SYCP2: variants seen among roughly 807,000 people sequenced by gnomAD.
SYCP2 encodes the protein synaptonemal complex protein 2, also known as synaptonemal complex lateral element protein.
SYCP2 carries 55 observed loss-of-function variants against 211.3 expected under a neutral mutation model. The observed-to-expected ratio is 0.26, with a 90% confidence interval of 0.21 to 0.33. The LOEUF (loss-of-function observed/expected upper bound fraction) is 0.33, where lower values mean the gene tolerates loss of function less well. Among genes scored for constraint, SYCP2 ranks in the 10% least tolerant of loss-of-function variants. SYCP2 has a pLI of 1.00. For synonymous variants in SYCP2, 570 were observed against 555.2 expected, an observed-to-expected ratio of 1.03 and a Z score of -0.37; for missense variants, 1,731 against 1,752.0, an observed-to-expected ratio of 0.99 and a Z score of 0.21.
At position 59,914,233 on chromosome 20, in the gene SYCP2, C is replaced by T. The variant is rs1252913886; in HGVS notation, c.653G>A (p.Gly218Asp). Residue 218 changes from glycine to aspartate, a missense_variant, in exon 11 of 45, where the codon GGC becomes GAC. Physicochemically the swap from Gly to Asp is moderately conservative, Grantham distance 94 (BLOSUM62 -1). Coordinates refer to ENST00000357552, the MANE Select transcript of SYCP2 (RefSeq NM_014258.4). ...CATTCTACACAAAGCTTCTACAATG[C>T]CTACCTGTAAGTCATAATCTATTAA... ...LDAGDYDLQV[G>D]IVEALCRMTT... The T allele has an allele frequency of 1.3e-6, 2 of 1,585,926 alleles. No individual in the cohort carries two copies. Among genetic ancestry groups the T allele is most frequent in the Admixed American group, 1.7e-5 (1 of 57,848 alleles).
In SYCP2 at chr20:59,864,388, G is replaced by T; in HGVS notation, c.4516C>A (p.Leu1506Ile). The T allele has an allele frequency of 2.5e-6, 4 of 1,581,818 alleles. No individual in the cohort carries two copies. Among genetic ancestry groups the T allele is most frequent in the East Asian group, 2.3e-5 (1 of 44,376 alleles). Residue 1506 changes from leucine to isoleucine, a missense_variant and splice_region_variant, in exon 45 of 45, where the codon CTA becomes ATA. By Grantham distance (5) the Leu-to-Ile change is conservative (BLOSUM62 2). Around this residue, in one of 3 missense-constraint regions of SYCP2, gnomAD observed 1,387 missense variants for 1,351.3 expected, o/e 1.03. Coordinates refer to ENST00000357552, the MANE Select transcript of SYCP2 (RefSeq NM_014258.4). ...CGTACATTAAGAAGCTCCTCTTCTA[G>T]CTATAGCCAAGAAAAAAAAAATCAC... ...VLQDRLLKDM[L>I]EEELLNVRRE...
rs1379499859 is a variant in SYCP2 at position 59,901,674 on chromosome 20, T to C, written c.1170A>G (p.Ala390=). ...ITNVTQKIFG[A]TKHRESIRKQ... is the part of the protein sequence containing the mutation. ...TTTAAAGACTTACCCTATGTTTAGT[T>C]GCACCAAAAATTTTTTGAGTTACAT... Residue 390 remains alanine (A), a synonymous_variant, in exon 16 of 45, where the codon GCA becomes GCG. Coordinates refer to ENST00000357552, the MANE Select transcript of SYCP2 (RefSeq NM_014258.4). The C allele has an allele frequency of 5.1e-6, 8 of 1,566,974 alleles. 1 individual carries two copies. Among genetic ancestry groups the C allele is most frequent in the Non-Finnish European group, 8.7e-7 (1 of 1,151,038 alleles).
chr20:59,892,561 G>A lies in SYCP2; in HGVS notation c.1927+7C>T. ...AACTATTACATATAGATAAAACTAA[G>A]TTTCACCTTGATTCAATGTGTCTCC... On this transcript the variant is annotated splice_region_variant and intron_variant, in intron 23 of 44. Coordinates refer to ENST00000357552, the MANE Select transcript of SYCP2 (RefSeq NM_014258.4). 1 of 1,599,758 alleles carries A rather than the reference G, an allele frequency of 6.3e-7. No homozygotes were observed. Among genetic ancestry groups the A allele is most frequent in the Non-Finnish European group, 8.5e-7 (1 of 1,175,146 alleles).
intron 18 of SYCP2, among the ~76,000 whole-genome samples, chr20:59,899,138 C>T (rs1049403090): frequency 1.3e-5 from 2 of 151,988 alleles, no homozygotes; most frequent in Non-Finnish European, 2.9e-5. Flanking sequence ...ACTGTATTAA[C>T]CTAAGTGTGC....
At chr20:59,921,229 T>C (rs2060536151) in intron 4 of SYCP2, 81 bp downstream of exon 4, 1 of 1,252,926 alleles carries the variant, frequency 8.0e-7, no homozygotes, top group African/African-American at 1.6e-5. Context: ...CTATTCATTT[T>C]TTTCTAATGG....
intron 9 of SYCP2, 116 bp from the exon 10 acceptor site, chr20:59,915,315 T>C: frequency 9.7e-7 from 1 of 1,035,392 alleles, no homozygotes; most frequent in Admixed American, 2.3e-5. Flanking sequence ...TATCATCGAC[T>C]TTTGCAGAAA....
intron 15 of SYCP2, among the ~76,000 whole-genome samples, chr20:59,907,151 T>C (rs1488857007): frequency 6.6e-6 from 1 of 152,106 alleles, no homozygotes. Context: ...TCACTGGTTT[T>C]AGACTAGACA....
At chr20:59,875,602 TGAG>T in intron 33 of SYCP2, 133 bp from the exon 34 acceptor site, 1 of 613,850 alleles carries the variant, frequency 1.6e-6, no homozygotes, top group Non-Finnish European at 2.7e-6. Context: ...GACCTAGACA[TGAG>T]TAGTGAAAGA....
chr20:59,905,626 G>A (rs1191711612), intron 15 of SYCP2, among the ~76,000 whole-genome samples: 2 of 152,134 alleles, frequency 1.3e-5, no homozygotes, highest in Non-Finnish European at 2.9e-5. Context: ...ATTAAAAGAA[G>A]TACAAAGAAA....
At position 59,931,412 on chromosome 20, in the gene SYCP2, C is replaced by T. The variant is rs1301053875; in HGVS notation, c.-47+650G>A. 3.3e-5 allele frequency among the ~76,000 whole-genome samples: 5 copies of T among 152,170 alleles called. No individual in the cohort carries two copies. In the South Asian group the frequency reaches 8.3e-4, roughly 25 times the overall value. ...CCTGTCTCAATAATAATCATCATAGCCATACATGTAGTTTTCTGTTTTGAT... is the reference window on the plus strand; with the variant it reads ...CCTGTCTCAATAATAATCATCATAGTCATACATGTAGTTTTCTGTTTTGAT... On this transcript the variant is annotated intron_variant, in intron 2 of 44. Coordinates refer to ENST00000357552, the MANE Select transcript of SYCP2 (RefSeq NM_014258.4).
chr20:59,869,647 G>A, intron 36 of SYCP2, 151 bp downstream of exon 36: 1 of 461,946 alleles, frequency 2.2e-6, no homozygotes, highest in Non-Finnish European at 3.8e-6. Flanking sequence ...CTATGATCAA[G>A]CCATTCTATA....
rs189744166 is a variant in SYCP2 at position 59,894,255 on chromosome 20, T to C, written c.1666-662A>G. 2.1e-3 allele frequency among the ~76,000 whole-genome samples: 319 copies of C among 152,086 alleles called. 1 individual carries two copies. Among genetic ancestry groups the C allele is most frequent in the African/African-American group, 7.5e-3 (310 of 41,520 alleles). On this transcript the variant is annotated intron_variant, in intron 20 of 44. Coordinates refer to ENST00000357552, the MANE Select transcript of SYCP2 (RefSeq NM_014258.4). ...ATTCTCCACACTAGGAGGGGAACAT[T>C]ATGGAAATATGCAGGTGTGGTTTGG...
intron 27 of SYCP2, 34 bp downstream of exon 27, chr20:59,882,061 G>A (rs1368221798): frequency 1.2e-6 from 2 of 1,606,604 alleles, no homozygotes; most frequent in South Asian, 2.2e-5. Context: ...CTTCAAATAT[G>A]AAGAAAATGA....
At chr20:59,923,380 CA>C (rs1452128093) in intron 2 of SYCP2, among the ~76,000 whole-genome samples, 1 of 151,792 alleles carries the variant, frequency 6.6e-6, no homozygotes, top group African/African-American at 2.4e-5. Context: ...TTTTTTGGAA[CA>C]AAGTACTAAG....
chr20:59,894,793 G>A (rs573244312), intron 20 of SYCP2, among the ~76,000 whole-genome samples: 12 of 152,060 alleles, frequency 7.9e-5, no homozygotes, highest in African/African-American at 1.7e-4. Flanking sequence ...TATCTGCATC[G>A]CTGATCACCT....
chr20:59,866,012 T>TC (rs1191242413), intron 41 of SYCP2, 147 bp from the exon 42 acceptor site: 2 of 469,144 alleles, frequency 4.3e-6, no homozygotes, highest in Non-Finnish European at 7.4e-6. Flanking sequence ...ACAGTATGGC[T>TC]ATATGTTAAA....
At chr20:59,892,475 A>G in intron 23 of SYCP2, 49 bp from the exon 24 acceptor site, 1 of 1,464,996 alleles carries the variant, frequency 6.8e-7, no homozygotes, top group Non-Finnish European at 9.2e-7. Context: ...ATAAGTTGAC[A>G]TATGTAAAAT....
intron 7 of SYCP2, among the ~76,000 whole-genome samples, chr20:59,918,134 C>A (rs1357076588): frequency 1.3e-5 from 2 of 152,186 alleles, no homozygotes; most frequent in African/African-American, 2.4e-5. Flanking sequence ...TGATATCCAG[C>A]ACCAAGACTG....
chr20:59,922,546 TTTG>T, intron 2 of SYCP2, 87 bp from the exon 3 acceptor site: 2 of 573,024 alleles, frequency 3.5e-6, no homozygotes, highest in South Asian at 3.5e-5. Context: ...TAAATATGCA[TTTG>T]TTATTTATAC....
Sources: gnomAD v4.1 joint callset for allele counts (sites outside exome capture counted in the v4.1 genomes callset) on GRCh38, gnomAD v4.1.1 for gene constraint, gnomAD v4.1.1 regional missense constraint, MANE v1.5 for transcripts, NCBI Gene and HGNC (gene_info 2026-07-23, HGNC 2026-07-21) for gene names.